The following RNF24 variants were observed in gnomAD, a reference collection of about 807,000 sequenced individuals.
RNF24 encodes the protein ring finger protein 24.
Under a neutral mutation model 20.0 loss-of-function variants are expected in RNF24, and 14 were observed. That is an observed-to-expected ratio of 0.70 (90% confidence interval 0.46 to 1.10). RNF24 has a LOEUF of 1.10. Ranked by LOEUF, RNF24 falls within the 50% of genes least tolerant of loss-of-function variation. The pLI is 0.00. For missense variants in RNF24, 124 were observed against 177.6 expected (o/e 0.70, Z 1.71); for synonymous variants, 45 against 61.1 (o/e 0.74, Z 1.23).
At chr20:3,975,159 G>A (rs957858775) in intron 1 of RNF24, among the ~76,000 whole-genome samples, 2 of 152,286 alleles carry the variant, frequency 1.3e-5, no homozygotes, top group African/African-American at 2.4e-5. Flanking sequence ...AATGGAGAGA[G>A]TATATGGTCT....
intron 1 of RNF24, among the ~76,000 whole-genome samples, chr20:3,985,121 T>C (rs1979771091): frequency 1.3e-5 from 2 of 152,240 alleles, no homozygotes; most frequent in African/African-American, 2.4e-5. Context: ...TATGTTTTAA[T>C]CGGGATCTTT....
chr20:3,969,196 G>A (rs1600670076), intron 1 of RNF24, among the ~76,000 whole-genome samples: 1 of 152,244 alleles, frequency 6.6e-6, no homozygotes. Flanking sequence ...CTTGAGAAAT[G>A]TTAGTTTTCA....
Position 3,933,063 on chromosome 20 carries a change from CTTTTTTTTTTT to C in RNF24, c.*989_*999del, listed in dbSNP as rs11470036. The stretch of plus-strand genomic sequence containing the variant: ...AAAGTGTTAAAAAGTGAATGACAGG[CTTTTTTTTTTT>C]TTTTTTTTTTTTTCTGAAGTAGAAA... On this transcript the variant is annotated 3_prime_UTR_variant, in exon 6 of 6. Transcript: ENST00000358395. 4.6e-5 allele frequency: 14 copies of C among 307,104 alleles called. No homozygotes were observed. Among genetic ancestry groups the C allele is most frequent in the Non-Finnish European group, 5.8e-5 (11 of 189,570 alleles). The allele number at this position is 307,104 out of a possible 1,614,324, so 19.0% of individuals were successfully genotyped here.
intron 4 of RNF24, among the ~76,000 whole-genome samples, chr20:3,943,461 C>G (rs1194658542): frequency 3.3e-5 from 5 of 152,112 alleles, no homozygotes; most frequent in Non-Finnish European, 2.9e-5. Context: ...ATAATCAAGA[C>G]AGTGTGGTAC....
Position 3,927,374 on chromosome 20 carries a change from A to C in RNF24, c.*6689T>G, listed in dbSNP as rs1262162950. 1 of 152,132 alleles carries C rather than the reference A, an allele frequency of 6.6e-6. No homozygotes were observed. Among genetic ancestry groups the C allele is most frequent in the Non-Finnish European group, 1.5e-5 (1 of 68,022 alleles). The allele number at this position is 152,132 out of a possible 1,614,324, so 9.4% of individuals were successfully genotyped here. A position where few individuals can be genotyped will look rare whatever the true frequency, so the allele number is the denominator to read the frequency against. On this transcript the variant is annotated 3_prime_UTR_variant, in exon 6 of 6. Transcript: ENST00000358395. ...TTACATGCATGTTTTATTTTTGAGGAGTGATTAGCAAAATGCATTAAAATT... is the reference window on the plus strand; with the variant it reads ...TTACATGCATGTTTTATTTTTGAGGCGTGATTAGCAAAATGCATTAAAATT...
chr20:3,929,015 A>G lies in RNF24; in HGVS notation c.*5048T>C, dbSNP rs1204789400. ...AGGCATGCGTCACCACACCCGGCAA[A>G]TTTTTGTATTTTTAGTAGAGGGGGT... On this transcript the variant is annotated 3_prime_UTR_variant, in exon 6 of 6. Coordinates refer to ENST00000358395, the MANE Select transcript of RNF24 (RefSeq NM_001134337.3). The G allele has an allele frequency of 2.6e-5, 4 of 151,746 alleles. No homozygotes were observed. In the East Asian group the frequency reaches 7.8e-4, roughly 30 times the overall value. 9.4% of individuals were successfully genotyped at this position (151,746 alleles called of 1,614,324 possible).
intron 2 of RNF24, among the ~76,000 whole-genome samples, chr20:3,951,246 C>T (rs750024412): frequency 4.6e-5 from 7 of 152,114 alleles, no homozygotes; most frequent in African/African-American, 7.2e-5. Flanking sequence ...CGTGAGCCAC[C>T]GCACCAGGCC....
chr20:3,997,782 T>A (rs1600710219), intron 1 of RNF24, among the ~76,000 whole-genome samples: 1 of 152,312 alleles, frequency 6.6e-6, no homozygotes. Context: ...ATTAGGCAAC[T>A]AATTAGAATA....
intron 1 of RNF24, among the ~76,000 whole-genome samples, chr20:4,005,205 T>C (rs539296272): frequency 4.6e-5 from 7 of 152,330 alleles, no homozygotes; most frequent in African/African-American, 1.4e-4. Context: ...AACAACTCTT[T>C]GAGGATTGCT....
Position 3,927,581 on chromosome 20 carries a change from C to T in RNF24, c.*6482G>A, listed in dbSNP as rs1230765. On this transcript the variant is annotated 3_prime_UTR_variant, in exon 6 of 6. Transcript: ENST00000358395. The stretch of plus-strand genomic sequence containing the variant: ...GTGAGGAAACCCGAGGGCCAAACTA[C>T]AAGACGAAAAAGTGCCCCGTTCCTG... 9.2e-5 allele frequency: 14 copies of T among 152,124 alleles called. No individual in the cohort carries two copies. Among genetic ancestry groups the T allele is most frequent in the African/African-American group, 3.4e-4 (14 of 41,430 alleles). The allele number at this position is 152,124 out of a possible 1,614,324, so 9.4% of individuals were successfully genotyped here. A position where few individuals can be genotyped will look rare whatever the true frequency, so the allele number is the denominator to read the frequency against.
intron 2 of RNF24, among the ~76,000 whole-genome samples, chr20:3,956,263 GTT>G (rs775579944): frequency 2.2e-5 from 3 of 137,464 alleles, no homozygotes. Flanking sequence ...TTGTGTGTGT[GTT>G]TTTTTTTTTT....
chr20:3,963,859 AAT>A lies in RNF24; in HGVS notation c.143+14_143+15del, dbSNP rs2091229092. 1 of 1,537,264 alleles carries A rather than the reference AAT, an allele frequency of 6.5e-7. No individual in the cohort carries two copies. The highest frequency in any genetic ancestry group is 2.3e-5 in the East Asian group (1 of 43,964). On this transcript the variant is annotated intron_variant, in intron 2 of 5. Coordinates refer to ENST00000358395, the MANE Select transcript of RNF24 (RefSeq NM_001134337.3). ...TTTAACATATTTTGAAGTAACATAG[AAT>A]GAAAATTGGTTACCTAATCAAGTAG...
chr20:3,939,964 A>T (rs1032433527), intron 4 of RNF24, among the ~76,000 whole-genome samples: 3 of 151,984 alleles, frequency 2.0e-5, no homozygotes, highest in Non-Finnish European at 4.4e-5. Context: ...ACGAAAAAAA[A>T]ATTTTTTTTT....
At chr20:4,014,240 A>G (rs1253615193) in intron 1 of RNF24, among the ~76,000 whole-genome samples, 1 of 152,192 alleles carries the variant, frequency 6.6e-6, no homozygotes, top group African/African-American at 2.4e-5. Context: ...ATGCAATAAA[A>G]CCCTCTGCCA....
chr20:3,972,884 C>T (rs1240349393), intron 1 of RNF24, among the ~76,000 whole-genome samples: 2 of 149,164 alleles, frequency 1.3e-5, no homozygotes, highest in East Asian at 4.0e-4. Context: ...ACGTGGGCGA[C>T]AGAGTGAGAC....
At chr20:3,947,172 G>A (rs1161527766) in intron 3 of RNF24, among the ~76,000 whole-genome samples, 2 of 152,258 alleles carry the variant, frequency 1.3e-5, no homozygotes, top group East Asian at 1.9e-4. Flanking sequence ...CCAGCCTGGC[G>A]ACAGAGCGAG....
chr20:4,007,865 G>A (rs185904749), intron 1 of RNF24, among the ~76,000 whole-genome samples: 1 of 151,744 alleles, frequency 6.6e-6, no homozygotes, highest in East Asian at 1.9e-4. Flanking sequence ...GCAGTGAGTT[G>A]GAGATCACAC....
intron 2 of RNF24, among the ~76,000 whole-genome samples, chr20:3,954,474 C>T (rs2091119035): frequency 6.6e-6 from 1 of 152,206 alleles, no homozygotes. Flanking sequence ...ATCCATTCAT[C>T]TGTCGATGGA....
rs1298330159 is a variant in RNF24 at position 3,930,169 on chromosome 20, A to G, written c.*3894T>C. On this transcript the variant is annotated 3_prime_UTR_variant, in exon 6 of 6. Coordinates refer to ENST00000358395, the MANE Select transcript of RNF24 (RefSeq NM_001134337.3). ...AGGAACTCAAGAAAGGCTTTTAACT[A>G]CTTTATGATTTGTGAACCACATGAA... is the stretch of plus-strand genomic sequence containing the variant. The G allele has an allele frequency of 6.6e-6, 1 of 152,250 alleles. No individual in the cohort carries two copies. The highest frequency in any genetic ancestry group is 1.5e-5 in the Non-Finnish European group (1 of 68,048). The allele number at this position is 152,250 out of a possible 1,614,324, so 9.4% of individuals were successfully genotyped here. A position where few individuals can be genotyped will look rare whatever the true frequency, so the allele number is the denominator to read the frequency against.
Sources: gnomAD v4.1 joint callset for allele counts (sites outside exome capture counted in the v4.1 genomes callset) on GRCh38, gnomAD v4.1.1 for gene constraint, MANE v1.5 for transcripts, NCBI Gene and HGNC (gene_info 2026-07-23, HGNC 2026-07-21) for gene names.